The following RCC1L variants were observed in gnomAD, a reference collection of about 807,000 sequenced individuals.
RCC1L encodes RCC1-like G exchanging factor-like protein.
Under a neutral mutation model 58.6 loss-of-function variants are expected in RCC1L, and 46 were observed. The ratio of observed to expected loss-of-function variants is 0.79; its 90% CI spans 0.62 to 1.00. The LOEUF (loss-of-function observed/expected upper bound fraction) is 1.00, where lower values mean the gene tolerates loss of function less well. Among genes scored for constraint, RCC1L ranks in the 50% least tolerant of loss-of-function variants. The pLI is 0.00. For synonymous variants in RCC1L, 281 were observed against 262.9 expected, an observed-to-expected ratio of 1.07 and a Z score of -0.67; for missense variants, 636 against 623.6, an observed-to-expected ratio of 1.02 and a Z score of -0.21.
At chr7:75,045,514 A>ATC (rs1375800299) in intron 10 of RCC1L, among the ~76,000 whole-genome samples, 20 of 116,328 alleles carry the variant, frequency 1.7e-4, no homozygotes, top group African/African-American at 6.7e-4. Context: ...GCAGATATGC[A>ATC]TCTCTCTTTT....
At chr7:75,047,985 G>A (rs1406845073) in intron 10 of RCC1L, among the ~76,000 whole-genome samples, 3 of 137,246 alleles carry the variant, frequency 2.2e-5, no homozygotes, top group Admixed American at 1.5e-4. Context: ...AAGAACCACC[G>A]GCCAGGAGCA....
At chr7:75,031,107 G>A (rs1433220226) in intron 10 of RCC1L, among the ~76,000 whole-genome samples, 5 of 152,304 alleles carry the variant, frequency 3.3e-5, no homozygotes, top group East Asian at 3.9e-4. Context: ...AAAAGAGTAG[G>A]GAGCTGATAA....
At chr7:75,057,680 G>C in intron 7 of RCC1L, 64 bp from the exon 8 acceptor site, 1 of 1,492,536 alleles carries the variant, frequency 6.7e-7, no homozygotes, top group South Asian at 1.1e-5. Flanking sequence ...GAAGTGTTCT[G>C]GTCTTAGGTA....
At chr7:75,047,091 G>C (rs2131981062) in intron 10 of RCC1L, among the ~76,000 whole-genome samples, 1 of 152,252 alleles carries the variant, frequency 6.6e-6, no homozygotes, top group Non-Finnish European at 1.5e-5. Flanking sequence ...CCAAGTAGCT[G>C]GGATTACAGG....
chr7:75,042,558 G>C lies in RCC1L; in HGVS notation c.*474C>G. On this transcript the variant is annotated 3_prime_UTR_variant, in exon 11 of 11. Coordinates refer to ENST00000610322, the MANE Select transcript of RCC1L (RefSeq NM_030798.5). ...GGGCCATGAGCAGGGTGGCCTGAATGAAAACCGAGGGCCGAAGCCAGCCTG... is the reference window on the plus strand; with the variant it reads ...GGGCCATGAGCAGGGTGGCCTGAATCAAAACCGAGGGCCGAAGCCAGCCTG... 2 of 999,856 alleles carry C rather than the reference G, an allele frequency of 2.0e-6. No individual in the cohort carries two copies. The highest frequency in any genetic ancestry group is 2.4e-6 in the Non-Finnish European group (2 of 837,844). 61.9% of individuals were successfully genotyped at this position (999,856 alleles called of 1,614,324 possible).
intron 2 of RCC1L, among the ~76,000 whole-genome samples, chr7:75,068,798 A>G (rs906023798): frequency 3.3e-5 from 5 of 152,202 alleles, no homozygotes; most frequent in Non-Finnish European, 5.9e-5. Flanking sequence ...ACAGGAAAAA[A>G]CAAAAATGAA....
At chr7:75,073,388 GAGAA>G in intron 1 of RCC1L, 22 bp downstream of exon 1, 1 of 1,028,412 alleles carries the variant, frequency 9.7e-7, no homozygotes, top group African/African-American at 1.7e-5. Context: ...GAGAGAAGGA[GAGAA>G]GGAGGAAGCC....
intron 4 of RCC1L, 60 bp from the exon 5 acceptor site, chr7:75,063,403 G>T: frequency 6.4e-7 from 1 of 1,572,108 alleles, no homozygotes; most frequent in East Asian, 2.2e-5. Context: ...GCACTGTGCA[G>T]CCCTTTCCCT....
intron 10 of RCC1L, among the ~76,000 whole-genome samples, chr7:75,043,640 G>A (rs1336749495): frequency 6.6e-6 from 1 of 152,128 alleles, no homozygotes; most frequent in Non-Finnish European, 1.5e-5. Flanking sequence ...AAGGCAGGCG[G>A]ATCACGTGAG....
In RCC1L at chr7:75,070,712, C is replaced by T. The variant is rs1554445946; in HGVS notation, c.382G>A (p.Val128Ile). ...FTLLSSKTAD[V>I]TKVWGMGLNK... The stretch of plus-strand genomic sequence containing the variant: ...AGTCCCATCCCCCAGACTTTCGTAA[C>T]ATCCGCAGTCTTAGAGGACAGCAGT... Residue 128 changes from valine to isoleucine, a missense_variant, in exon 2 of 11, where the codon GTT becomes ATT. Physicochemically the swap from Val to Ile is conservative, Grantham distance 29. Transcript: ENST00000610322. 1 of 1,614,162 alleles carries T rather than the reference C, an allele frequency of 6.2e-7. No individual in the cohort carries two copies. The highest frequency in any genetic ancestry group is 1.1e-5 in the South Asian group (1 of 91,084).
intron 10 of RCC1L, among the ~76,000 whole-genome samples, chr7:75,046,530 C>T (rs1188970378): frequency 5.3e-5 from 8 of 152,196 alleles, no homozygotes; most frequent in African/African-American, 1.9e-4. Flanking sequence ...CTCCTGGGAG[C>T]CAGCCCTAGG....
chr7:75,044,786 C>G (rs963115345), intron 10 of RCC1L, among the ~76,000 whole-genome samples: 1 of 151,824 alleles, frequency 6.6e-6, no homozygotes, highest in Non-Finnish European at 1.5e-5. Flanking sequence ...CCTGTAATCC[C>G]AGCACTTTGG....
chr7:75,072,528 G>A (rs1213856860), intron 1 of RCC1L, among the ~76,000 whole-genome samples: 1 of 152,026 alleles, frequency 6.6e-6, no homozygotes. Context: ...GGAAAACTCA[G>A]TACTACAGCT....
chr7:75,045,472 C>G (rs1805691852), intron 10 of RCC1L, among the ~76,000 whole-genome samples: 1 of 151,958 alleles, frequency 6.6e-6, no homozygotes, highest in Non-Finnish European at 1.5e-5. Context: ...GATCCCCAGG[C>G]CTGGCCTTCC....
rs139769780 is a variant in RCC1L at position 75,070,651 on chromosome 7, C to T, written c.443G>A (p.Arg148Gln). 2.4e-4 allele frequency: 386 copies of T among 1,613,916 alleles called. No homozygotes were observed. In the Admixed American group the frequency reaches 5.2e-3, roughly 22 times the overall value. The change falls in exon 2 of 11, where the codon CGG (arginine) becomes CAG (glutamine). Residue 148 changes from arginine (R) to glutamine (Q), a missense_variant. Physicochemically the swap from Arg to Gln is conservative, Grantham distance 43. Coordinates refer to ENST00000610322, the MANE Select transcript of RCC1L (RefSeq NM_030798.5). ...KDSQLGFHRS[R>Q]KDKTRGYEYV... Reference sequence around the variant, plus strand: ...GTAGGGATGCTCACTTTTATCTTTCCGGCTCCTGTGAAATCCAAGCTGAGA... The same window carrying T: ...GTAGGGATGCTCACTTTTATCTTTCTGGCTCCTGTGAAATCCAAGCTGAGA...
rs971053877 is a variant in RCC1L at position 75,058,653 on chromosome 7, C to T, written c.904G>A (p.Gly302Arg). Residue 302 changes from glycine (G) to arginine (R), a missense_variant, in exon 7 of 11, where the codon GGA becomes AGA. Gly to Arg is a moderately radical substitution (Grantham distance 125). Coordinates refer to ENST00000610322, the MANE Select transcript of RCC1L (RefSeq NM_030798.5). ...GAGTTTCCCCAACCAAAAAGTCCTC[C>T]GTCGGCGGACACGGCCAGGCAGCAA... ...GDCCLAVSAD[G>R]GLFGWGNSEY... The T allele has an allele frequency of 9.3e-4, 1,497 of 1,613,722 alleles. 21 individuals carry two copies. The Admixed American group carries it at 0.023, about 24-fold the overall frequency.
At chr7:75,066,017 C>CAG (rs1806465777) in intron 3 of RCC1L, among the ~76,000 whole-genome samples, 1 of 138,930 alleles carries the variant, frequency 7.2e-6, no homozygotes, top group African/African-American at 2.7e-5. Context: ...GACTCTGTCT[C>CAG]AAAAAAAAAA....
chr7:75,063,485 T>G (rs111889192), intron 4 of RCC1L, 142 bp from the exon 5 acceptor site: 551,519 of 909,564 alleles, frequency 0.61, 172,567 homozygotes, highest in East Asian at 0.95. Context: ...GGTCAAATCT[T>G]AGGTCGAGTC....
rs1202891093 is a variant in RCC1L, at chr7:75,072,155, CATATACATATATATATATATAT to C, written c.324+1237_324+1258del. Among the ~76,000 whole-genome samples the C allele has an allele frequency of 3.7e-4, 18 of 48,126 alleles. 1 individual carries two copies. The East Asian group carries it at 5.9e-3, about 16-fold the overall frequency. The allele number at this position is 48,126 out of a possible 152,430, so 31.6% of individuals were successfully genotyped here. ...TTTTAAATTTATACATATACATATA[CATATACATATATATATATATAT>C]ATATATATATATATGGAGAGAGAGA... On this transcript the variant is annotated intron_variant, in intron 1 of 10. Coordinates refer to ENST00000610322, the MANE Select transcript of RCC1L (RefSeq NM_030798.5).
Sources: allele counts gnomAD v4.1 joint callset (sites outside exome capture counted in the v4.1 genomes callset), GRCh38; gene constraint gnomAD v4.1.1; transcripts MANE v1.5; gene names NCBI Gene and HGNC (gene_info 2026-07-23, HGNC 2026-07-21).